The following ISM1 variants were observed in gnomAD, a reference collection of about 807,000 sequenced individuals.
ISM1 encodes isthmin-1.
ISM1 carries 25 observed loss-of-function variants against 46.3 expected under a neutral mutation model. The observed-to-expected ratio is 0.54, with a 90% confidence interval of 0.39 to 0.75. The LOEUF (loss-of-function observed/expected upper bound fraction) is 0.75, where lower values mean the gene tolerates loss of function less well. ISM1 is among the 30% of genes least tolerant of loss of function. The probability of loss-of-function intolerance (pLI) is 0.00; values close to 1 mark genes in which losing one functional copy is unlikely to be tolerated. For missense variants in ISM1, 536 were observed against 625.4 expected, an observed-to-expected ratio of 0.86 and a Z score of 1.52; for synonymous variants, 255 against 256.7, an observed-to-expected ratio of 0.99 and a Z score of 0.06.
At chr20:13,230,592 A>G (rs2123134709) in intron 1 of ISM1, among the ~76,000 whole-genome samples, 1 of 152,282 alleles carries the variant, frequency 6.6e-6, no homozygotes, top group Middle Eastern at 3.4e-3. Flanking sequence ...ATGACAATGA[A>G]GCCCCTTAGG....
the ISM1 span, among the ~76,000 whole-genome samples, chr20:13,316,110 A>G: frequency 1.3e-5 from 2 of 151,992 alleles, no homozygotes; most frequent in East Asian, 1.9e-4. Context: ...GAAAGAGTGG[A>G]TATCACTACA....
chr20:13,230,883 T>A (rs1314200433), intron 1 of ISM1, among the ~76,000 whole-genome samples: 1 of 152,212 alleles, frequency 6.6e-6, no homozygotes, highest in African/African-American at 2.4e-5. Context: ...CTGTGGCTTA[T>A]CAGTCAAGAG....
chr20:13,284,520 G>C (rs2040270715), intron 3 of ISM1, among the ~76,000 whole-genome samples: 1 of 152,202 alleles, frequency 6.6e-6, no homozygotes, highest in Admixed American at 6.5e-5. Context: ...GTGGCCCCTG[G>C]TAGGTGAGCA....
chr20:13,268,163 T>C (rs1194714071), intron 1 of ISM1, among the ~76,000 whole-genome samples: 2 of 149,884 alleles, frequency 1.3e-5, no homozygotes, highest in African/African-American at 4.9e-5. Flanking sequence ...TCCCTTCCCT[T>C]CTCTCCTCTC....
downstream of ISM1, among the ~76,000 whole-genome samples, chr20:13,305,103 A>T (rs570525213): frequency 6.6e-6 from 1 of 151,086 alleles, no homozygotes; most frequent in Non-Finnish European, 1.5e-5. Flanking sequence ...ACATCTGAAG[A>T]TGGTTTTGCT....
rs142769922 is a variant in ISM1 at position 13,237,880 on chromosome 20, G to A, written c.138+15966G>A. The stretch of plus-strand genomic sequence containing the variant: ...TCCAAATTAGAATGAATGCAGGCTG[G>A]TTTCAGTATTATGGGGGTGCTCCTC... On this transcript the variant is annotated intron_variant, in intron 1 of 5. Coordinates refer to ENST00000262487, the MANE Select transcript of ISM1 (RefSeq NM_080826.2). The A allele has an allele frequency of 2.0e-5, 3 of 152,268 alleles. No homozygotes were observed. The East Asian group carries it at 5.8e-4, about 29-fold the overall frequency. 9.4% of individuals were successfully genotyped at this position (152,268 alleles called of 1,614,324 possible). A position where few individuals can be genotyped will look rare whatever the true frequency, so the allele number is the denominator to read the frequency against.
intron 1 of ISM1, among the ~76,000 whole-genome samples, chr20:13,243,033 T>A (rs919932265): frequency 6.6e-6 from 1 of 152,198 alleles, no homozygotes; most frequent in African/African-American, 2.4e-5. Context: ...GTCACACAGA[T>A]AGCAGAGGTA....
At chr20:13,293,945 G>A (rs2040380669) in intron 5 of ISM1, among the ~76,000 whole-genome samples, 1 of 151,738 alleles carries the variant, frequency 6.6e-6, no homozygotes. Flanking sequence ...TTGCACTCCA[G>A]CTTGGGCAAC....
At chr20:13,222,282 TG>T (rs1210250916) in intron 1 of ISM1, among the ~76,000 whole-genome samples, 1 of 152,054 alleles carries the variant, frequency 6.6e-6, no homozygotes, top group Non-Finnish European at 1.5e-5. Flanking sequence ...GGCTGAGTAA[TG>T]TTACTCGAGG....
downstream of ISM1, among the ~76,000 whole-genome samples, chr20:13,305,428 C>T (rs918738545): frequency 6.6e-6 from 1 of 152,148 alleles, no homozygotes; most frequent in African/African-American, 2.4e-5. Context: ...TCCATCCCGA[C>T]ACACAAAGAG....
the ISM1 span, among the ~76,000 whole-genome samples, chr20:13,313,400 A>G: frequency 6.6e-6 from 1 of 152,232 alleles, no homozygotes; most frequent in South Asian, 2.1e-4. Flanking sequence ...ATTTTGGCCA[A>G]TCACAGGCAG....
At position 13,221,524 on chromosome 20, in the gene ISM1, C is replaced by G. The variant is rs185866750; in HGVS notation, c.-253C>G. On this transcript the variant is annotated 5_prime_UTR_variant, in exon 1 of 6. Transcript: ENST00000262487. ...CTTGCTCCGCAGCCGGCTTGGACACCCCCGGCCTCGCGGTGGCTCCGCCGT... is the reference window on the plus strand; with the variant it reads ...CTTGCTCCGCAGCCGGCTTGGACACGCCCGGCCTCGCGGTGGCTCCGCCGT... 1.4e-5 allele frequency among the ~76,000 whole-genome samples: 2 copies of G among 144,242 alleles called. No homozygotes were observed. Among genetic ancestry groups the G allele is most frequent in the African/African-American group, 5.0e-5 (2 of 40,232 alleles). The allele number at this position is 144,242 out of a possible 152,430, so 94.6% of individuals were successfully genotyped here. A position where few individuals can be genotyped will look rare whatever the true frequency, so the allele number is the denominator to read the frequency against.
At chr20:13,317,029 CT>C in the ISM1 span, among the ~76,000 whole-genome samples, 1 of 151,754 alleles carries the variant, frequency 6.6e-6, no homozygotes, top group Admixed American at 6.6e-5. Flanking sequence ...ACATGATTTT[CT>C]ATGTAAAAAA....
chr20:13,271,455 C>G (rs1047287391), intron 2 of ISM1, among the ~76,000 whole-genome samples: 1 of 152,146 alleles, frequency 6.6e-6, no homozygotes, highest in Non-Finnish European at 1.5e-5. Context: ...CTTTACAAAG[C>G]AAATGTTGAT....
Position 13,286,066 on chromosome 20 carries a change from C to T in ISM1, c.644-2474C>T, listed in dbSNP as rs1368612632. ...CCTAGGGGATTTAATAAGATTTCTT[C>T]TGACTTACTCATTCCCCCTTTTTAT... On this transcript the variant is annotated intron_variant, in intron 3 of 5. Coordinates refer to ENST00000262487, the MANE Select transcript of ISM1 (RefSeq NM_080826.2). 3.3e-5 allele frequency among the ~76,000 whole-genome samples: 5 copies of T among 152,210 alleles called. No homozygotes were observed. The East Asian group carries it at 9.6e-4, about 29-fold the overall frequency.
intron 2 of ISM1, among the ~76,000 whole-genome samples, chr20:13,272,442 G>A (rs1395362672): frequency 6.6e-6 from 1 of 152,230 alleles, no homozygotes; most frequent in African/African-American, 2.4e-5. Context: ...TTAGATCTGT[G>A]TGAAGATCCC....
intron 1 of ISM1, among the ~76,000 whole-genome samples, chr20:13,263,929 C>T (rs1369695819): frequency 6.6e-6 from 1 of 152,096 alleles, no homozygotes; most frequent in African/African-American, 2.4e-5. Flanking sequence ...CTAATAATAT[C>T]TTCTTTAATA....
At chr20:13,222,125 G>A (rs2039457293) in intron 1 of ISM1, among the ~76,000 whole-genome samples, 1 of 152,198 alleles carries the variant, frequency 6.6e-6, no homozygotes, top group South Asian at 2.1e-4. Flanking sequence ...TTCCAGGTCT[G>A]CGGGCTGCGC....
chr20:13,304,572 T>C (rs371255690), downstream of ISM1, among the ~76,000 whole-genome samples: 6 of 152,224 alleles, frequency 3.9e-5, no homozygotes, highest in African/African-American at 1.2e-4. Context: ...TGTCTTTGCC[T>C]GATGGCTTTT....
Sources: gnomAD v4.1 joint callset for allele counts (sites outside exome capture counted in the v4.1 genomes callset) on GRCh38, gnomAD v4.1.1 for gene constraint, MANE v1.5 for transcripts, NCBI Gene and HGNC (gene_info 2026-07-23, HGNC 2026-07-21) for gene names.